The following SGPL1 variants were observed in gnomAD, a reference collection of about 807,000 sequenced individuals.
The protein encoded by SGPL1 is SP-lyase 1.
Under a neutral mutation model 68.9 loss-of-function variants are expected in SGPL1, and 37 were observed. The ratio of observed to expected loss-of-function variants is 0.54; its 90% CI spans 0.41 to 0.71. The LOEUF (loss-of-function observed/expected upper bound fraction) is 0.71. Among genes scored for constraint, SGPL1 ranks in the 30% least tolerant of loss-of-function variants. SGPL1 has a pLI of 0.00. For synonymous variants in SGPL1, 236 were observed against 248.5 expected, an observed-to-expected ratio of 0.95 and a Z score of 0.47; for missense variants, 551 against 704.6, an observed-to-expected ratio of 0.78 and a Z score of 2.47.
Position 70,871,924 on chromosome 10 carries a change from C to T in SGPL1, c.997C>T (p.Leu333=). ...IVFMEKAGYP[L]EHPFDFRVKG... ...CTTTATGGAGAAAGCAGGATACCCACTGGAGCACCCATTTGATTTCCGGGT... is the reference window on the plus strand; with the variant it reads ...CTTTATGGAGAAAGCAGGATACCCATTGGAGCACCCATTTGATTTCCGGGT... The change falls in exon 11 of 15, where the codon CTG becomes TTG. Residue 333 remains leucine, a synonymous_variant. Coordinates refer to ENST00000373202, the MANE Select transcript of SGPL1 (RefSeq NM_003901.4). 6.2e-7 allele frequency: 1 copy of T among 1,614,178 alleles called. No homozygotes were observed. Among genetic ancestry groups the T allele is most frequent in the Non-Finnish European group, 8.5e-7 (1 of 1,180,010 alleles).
intron 4 of SGPL1, among the ~76,000 whole-genome samples, 179 bp from the exon 5 acceptor site, chr10:70,854,529 A>C (rs1254474843): frequency 6.6e-6 from 1 of 152,164 alleles, no homozygotes; most frequent in African/African-American, 2.4e-5. Flanking sequence ...TTAAGAGGCT[A>C]TTGTACATGC....
At position 70,877,808 on chromosome 10, in the gene SGPL1, C is replaced by CTTTTTTTTTTTTTTT. The variant is rs1214511097; in HGVS notation, c.*483_*497dup. 1 of 64,720 alleles carries CTTTTTTTTTTTTTTT rather than the reference C, an allele frequency of 1.5e-5. No individual in the cohort carries two copies. Among genetic ancestry groups the CTTTTTTTTTTTTTTT allele is most frequent in the African/African-American group, 6.0e-5 (1 of 16,656 alleles). 4.0% of individuals were successfully genotyped at this position (64,720 alleles called of 1,614,324 possible). On this transcript the variant is annotated 3_prime_UTR_variant, in exon 15 of 15. Transcript: ENST00000373202. The stretch of plus-strand genomic sequence containing the variant: ...AGGAGGCTTTTTCAGCCTTCTCTCT[C>CTTTTTTTTTTTTTTT]TTTTTTTTTTTTTTTTTTTTTTTTG...
chr10:70,851,009 T>A (rs999799469), intron 3 of SGPL1, 134 bp from the exon 4 acceptor site: 31 of 678,314 alleles, frequency 4.6e-5, no homozygotes, highest in Non-Finnish European at 6.1e-5. Flanking sequence ...AAAGTTTTTT[T>A]AAAATTTTTT....
At position 70,831,882 on chromosome 10, in the gene SGPL1, A is replaced by T. The variant is rs556381616; in HGVS notation, c.28-12591A>T. Among the ~76,000 whole-genome samples, 4 of 152,132 alleles carry T rather than the reference A, an allele frequency of 2.6e-5. No homozygotes were observed. In the South Asian group the frequency reaches 8.3e-4, roughly 32 times the overall value. On this transcript the variant is annotated intron_variant, in intron 2 of 14. Transcript: ENST00000373202. ...TCCTTCCTCCAGAATATGGGGCACAACCCTCCCAGGAATGAGGGTTTTTTG... is the reference window on the plus strand; with the variant it reads ...TCCTTCCTCCAGAATATGGGGCACATCCCTCCCAGGAATGAGGGTTTTTTG...
intron 7 of SGPL1, 117 bp downstream of exon 7, chr10:70,859,616 CAAG>C (rs1233592145): frequency 4.6e-6 from 2 of 430,372 alleles, no homozygotes; most frequent in African/African-American, 4.3e-5. Context: ...TTTTACTACA[CAAG>C]AAATATTTGA....
At chr10:70,872,064 G>T (rs1337184299) in intron 11 of SGPL1, 78 bp downstream of exon 11, 13 of 1,394,412 alleles carry the variant, frequency 9.3e-6, no homozygotes, top group Non-Finnish European at 9.9e-6. Flanking sequence ...TAGCTTCCCC[G>T]CAAAGTATAA....
chr10:70,856,147 A>AC (rs766477488), intron 5 of SGPL1, among the ~76,000 whole-genome samples: 25 of 152,122 alleles, frequency 1.6e-4, no homozygotes, highest in Non-Finnish European at 3.5e-4. Context: ...GGCGTGCGGC[A>AC]CCATACCCAG....
intron 2 of SGPL1, among the ~76,000 whole-genome samples, chr10:70,836,201 A>G (rs1192581050): frequency 6.6e-6 from 1 of 152,168 alleles, no homozygotes; most frequent in Non-Finnish European, 1.5e-5. Context: ...GTTTTTCTTT[A>G]ATGTGAGCAG....
chr10:70,843,257 C>CTG (rs56785272), intron 2 of SGPL1, among the ~76,000 whole-genome samples: 25,804 of 150,048 alleles, frequency 0.17, 2,296 homozygotes, highest in Non-Finnish European at 0.2. Context: ...ATGTATGTGC[C>CTG]TGTGTGTGTG....
Position 70,878,734 on chromosome 10 carries a change from A to G in SGPL1, c.*1399A>G, listed in dbSNP as rs897538693. The G allele has an allele frequency of 1.3e-5, 2 of 152,206 alleles. No homozygotes were observed. The highest frequency in any genetic ancestry group is 1.3e-4 in the Admixed American group (2 of 15,284). 9.4% of individuals were successfully genotyped at this position (152,206 alleles called of 1,614,324 possible). ...ACCCGTAGCAAGGAAAATTTTCTCT[A>G]TTAGTGTGTTCTTCTGCCTCTTCCC... On this transcript the variant is annotated 3_prime_UTR_variant, in exon 15 of 15. Transcript: ENST00000373202.
At chr10:70,865,324 C>T (rs1321454404) in intron 7 of SGPL1, among the ~76,000 whole-genome samples, 1 of 148,838 alleles carries the variant, frequency 6.7e-6, no homozygotes, top group African/African-American at 2.5e-5. Flanking sequence ...TGCACTCACC[C>T]TTTTTTTTTT....
rs1490301347 is a variant in SGPL1 at position 70,854,821 on chromosome 10, T to C, written c.375T>C (p.Ala125=). ...CCTCCCAGGGTCTGAGCTCATCTGC[T>C]GTTTTGGAGAAACTTAAGGAGTACA... is the stretch of plus-strand genomic sequence containing the variant. ...ALPSQGLSSS[A]VLEKLKEYSS... is the part of the protein sequence containing the mutation. The change falls in exon 5 of 15, where the codon GCT becomes GCC. Residue 125 remains alanine (A), a synonymous_variant. Transcript: ENST00000373202. 3.7e-6 allele frequency: 6 copies of C among 1,613,248 alleles called. No homozygotes were observed. In the Admixed American group the frequency reaches 6.7e-5, roughly 18 times the overall value.
Position 70,861,932 on chromosome 10 carries a change from C to T in SGPL1, c.615+2433C>T, listed in dbSNP as rs562308482. 9.8e-5 allele frequency among the ~76,000 whole-genome samples: 15 copies of T among 152,348 alleles called. No individual in the cohort carries two copies. In the South Asian group the frequency reaches 1.2e-3, roughly 13 times the overall value. On this transcript the variant is annotated intron_variant, in intron 7 of 14. Transcript: ENST00000373202. ...CCATGCCTGAGCCTCCCACCCCCTC[C>T]GTGGGCTCCTGTGTGGCCCCAGCCT...
At chr10:70,875,212 A>T (rs2131949997) in intron 12 of SGPL1, among the ~76,000 whole-genome samples, 190 bp from the exon 13 acceptor site, 1 of 152,328 alleles carries the variant, frequency 6.6e-6, no homozygotes, top group Non-Finnish European at 1.5e-5. Flanking sequence ...TCCATCTATG[A>T]TTCTGATCTC....
At chr10:70,836,345 A>G (rs1845627061) in intron 2 of SGPL1, among the ~76,000 whole-genome samples, 1 of 152,200 alleles carries the variant, frequency 6.6e-6, no homozygotes, top group African/African-American at 2.4e-5. Flanking sequence ...TTTGAAGCCC[A>G]GAGCGATGGT....
rs764335348 is a variant in SGPL1 at position 70,873,510 on chromosome 10, G to A, written c.1219G>A (p.Ala407Thr). The A allele has an allele frequency of 5.6e-6, 9 of 1,613,244 alleles. No homozygotes were observed. Among genetic ancestry groups the A allele is most frequent in the African/African-American group, 1.3e-5 (1 of 74,946 alleles). ...TGGCATTAGCGCAGCCTGTTGGGCTGCCTTGATGCACTTCGGTGAGAACGG... is the reference window on the plus strand; with the variant it reads ...TGGCATTAGCGCAGCCTGTTGGGCTACCTTGATGCACTTCGGTGAGAACGG... ...PGGISAACWA[A>T]LMHFGENGYV... The change falls in exon 12 of 15, where the codon GCC (alanine) becomes ACC (threonine). Residue 407 changes from alanine to threonine, a missense_variant. Coordinates refer to ENST00000373202, the MANE Select transcript of SGPL1 (RefSeq NM_003901.4).
chr10:70,862,953 T>G (rs1846103578), intron 7 of SGPL1, among the ~76,000 whole-genome samples: 1 of 152,208 alleles, frequency 6.6e-6, no homozygotes, highest in African/African-American at 2.4e-5. Flanking sequence ...CTAATTTCAT[T>G]CTAAAGAATT....
chr10:70,873,766 C>T (rs929868881), intron 12 of SGPL1, among the ~76,000 whole-genome samples, 177 bp downstream of exon 12: 1 of 152,240 alleles, frequency 6.6e-6, no homozygotes, highest in Non-Finnish European at 1.5e-5. Flanking sequence ...GGAGAAGAAG[C>T]TCCCTTTCTC....
intron 2 of SGPL1, among the ~76,000 whole-genome samples, chr10:70,841,608 A>T (rs1028334016): frequency 2.6e-4 from 40 of 152,086 alleles, no homozygotes; most frequent in African/African-American, 8.9e-4. Flanking sequence ...TTCATGATCT[A>T]ATGACCCCCC....
Sources: allele counts gnomAD v4.1 joint callset (sites outside exome capture counted in the v4.1 genomes callset), GRCh38; gene constraint gnomAD v4.1.1; transcripts MANE v1.5; gene names NCBI Gene and HGNC (gene_info 2026-07-23, HGNC 2026-07-21).